Variants in ERLEC1 observed in about 807,000 individuals in gnomAD.
The protein encoded by ERLEC1 is ER lectin.
ERLEC1 carries 47 observed loss-of-function variants against 68.0 expected under a neutral mutation model. The ratio of observed to expected loss-of-function variants is 0.69; its 90% CI spans 0.55 to 0.88. The LOEUF (loss-of-function observed/expected upper bound fraction) is 0.88, where lower values mean the gene tolerates loss of function less well. Among genes scored for constraint, ERLEC1 ranks in the 40% least tolerant of loss-of-function variants. The pLI is 0.00. For missense variants in ERLEC1, 567 were observed against 583.8 expected (o/e 0.97, Z 0.30); for synonymous variants, 225 against 203.2 (o/e 1.11, Z -0.91).
chr2:53,812,908 A>G (rs1676666219), intron 10 of ERLEC1, 41 bp from the exon 11 acceptor site: 1 of 1,593,438 alleles, frequency 6.3e-7, no homozygotes, highest in Admixed American at 1.9e-5. Flanking sequence ...CTACTTGATG[A>G]TATCAAGCAC....
intron 10 of ERLEC1, among the ~76,000 whole-genome samples, chr2:53,810,827 CCTG>C (rs1485309808): frequency 2.6e-5 from 4 of 152,002 alleles, no homozygotes; most frequent in Non-Finnish European, 5.9e-5. Context: ...TCCATTTATT[CCTG>C]CTACTTTGCA....
intron 3 of ERLEC1, among the ~76,000 whole-genome samples, chr2:53,796,763 T>C (rs1245590412): frequency 2.6e-5 from 4 of 152,144 alleles, no homozygotes; most frequent in African/African-American, 9.7e-5. Flanking sequence ...TATTTCTTAA[T>C]AATATCTTAT....
At chr2:53,789,757 G>A (rs1440956208) in intron 1 of ERLEC1, among the ~76,000 whole-genome samples, 1 of 151,938 alleles carries the variant, frequency 6.6e-6, no homozygotes, top group Non-Finnish European at 1.5e-5. Context: ...AGTGGCTGAC[G>A]CCTATAATCC....
At chr2:53,801,267 T>C in intron 6 of ERLEC1, 130 bp from the exon 7 acceptor site, 1 of 611,142 alleles carries the variant, frequency 1.6e-6, no homozygotes, top group Non-Finnish European at 2.8e-6. Flanking sequence ...ACTTAAAATA[T>C]AGAAGTGTTA....
At position 53,816,405 on chromosome 2, in the gene ERLEC1, T is replaced by C. The variant is rs2104346395; in HGVS notation, c.1380+1470T>C. ...CCTCAGCCTCCCGAGTAGCTGGTAT[T>C]ACAGGCATATATGGTACCACGTCCG... On this transcript the variant is annotated intron_variant, in intron 13 of 13. Coordinates refer to ENST00000185150, the MANE Select transcript of ERLEC1 (RefSeq NM_015701.5). Among the ~76,000 whole-genome samples, 2 of 152,002 alleles carry C rather than the reference T, an allele frequency of 1.3e-5. 1 individual carries two copies. Among genetic ancestry groups the C allele is most frequent in the South Asian group, 4.2e-4 (2 of 4,802 alleles).
chr2:53,787,241 C>G lies in ERLEC1; in HGVS notation c.31C>G (p.Leu11Val), dbSNP rs758695915. The change falls in exon 1 of 14, where the codon CTG becomes GTG. Residue 11 changes from leucine (L) to valine (V), a missense_variant. Physicochemically the swap from Leu to Val is conservative, Grantham distance 32 (BLOSUM62 1). Coordinates refer to ENST00000185150, the MANE Select transcript of ERLEC1 (RefSeq NM_015701.5). MEEGGGGVRSLVPGGPVLLVL... is the reference protein window; with the variant it reads MEEGGGGVRSVVPGGPVLLVL... ...GGAAGGAGGCGGCGGCGTACGGAGT[C>G]TGGTCCCGGGCGGGCCGGTGTTACT... 42 of 1,606,252 alleles carry G rather than the reference C, an allele frequency of 2.6e-5. No individual in the cohort carries two copies. Among genetic ancestry groups the G allele is most frequent in the Non-Finnish European group, 2.5e-6 (3 of 1,179,556 alleles).
intron 1 of ERLEC1, 79 bp from the exon 2 acceptor site, chr2:53,794,266 T>C (rs1193794785): frequency 2.7e-5 from 16 of 587,678 alleles, no homozygotes; most frequent in Non-Finnish European, 4.4e-5. Flanking sequence ...AAGAATCTTT[T>C]TTCCAGCTAA....
In ERLEC1 at chr2:53,809,202, C is replaced by CTT; in HGVS notation, c.1042-4_1042-3dup. ...TTCTTAACTTGATCTAATATGTTTT[C>CTT]TTTTTTTTTAGGGTGTCGGTTGGTG... On this transcript the variant is annotated splice_polypyrimidine_tract_variant and intron_variant, in intron 9 of 13. Coordinates refer to ENST00000185150, the MANE Select transcript of ERLEC1 (RefSeq NM_015701.5). The CTT allele has an allele frequency of 2.0e-6, 3 of 1,521,480 alleles. No individual in the cohort carries two copies. Among genetic ancestry groups the CTT allele is most frequent in the Non-Finnish European group, 2.7e-6 (3 of 1,125,576 alleles). 94.2% of individuals were successfully genotyped at this position (1,521,480 alleles called of 1,614,324 possible).
chr2:53,813,148 A>T, intron 11 of ERLEC1, 75 bp downstream of exon 11: 1 of 1,536,066 alleles, frequency 6.5e-7, no homozygotes, highest in Non-Finnish European at 8.8e-7. Flanking sequence ...AAAACATAAA[A>T]ATTCAAACAT....
At chr2:53,807,844 A>AAACAACAAC (rs113620205) in intron 8 of ERLEC1, among the ~76,000 whole-genome samples, 91 of 150,624 alleles carry the variant, frequency 6.0e-4, no homozygotes, top group African/African-American at 2.1e-3. Context: ...TCTGTACTGA[A>AAACAACAAC]AACAACAACA....
chr2:53,793,918 A>C (rs1573067511), intron 1 of ERLEC1, among the ~76,000 whole-genome samples: 1 of 152,172 alleles, frequency 6.6e-6, no homozygotes. Flanking sequence ...CATTATCTTA[A>C]GTGAATTAAG....
chr2:53,801,760 G>T lies in ERLEC1; in HGVS notation c.797G>T (p.Gly266Val). 6.2e-7 allele frequency: 1 copy of T among 1,614,056 alleles called. No individual in the cohort carries two copies. Residue 266 changes from glycine (G) to valine (V), a missense_variant, in exon 8 of 14, where the codon GGA becomes GTA. Coordinates refer to ENST00000185150, the MANE Select transcript of ERLEC1 (RefSeq NM_015701.5). Reference protein sequence around the residue: ...VNDIFCQSLPGSPFKPLTLRQ... With the variant: ...VNDIFCQSLPVSPFKPLTLRQ... ...GACATATTTTGTCAATCACTGCCAG[G>T]ATCTCCATTTAAGCCCCTCACCCTG...
chr2:53,802,011 G>A (rs868719401), intron 8 of ERLEC1, among the ~76,000 whole-genome samples, 169 bp downstream of exon 8: 10 of 151,722 alleles, frequency 6.6e-5, no homozygotes, highest in African/African-American at 2.2e-4. Context: ...CCTTATTCTA[G>A]TACTACTCAA....
Position 53,787,335 on chromosome 2 carries a change from C to G in ERLEC1, c.125C>G (p.Pro42Arg). The change falls in exon 1 of 14, where the codon CCT (proline) becomes CGT (arginine). Residue 42 changes from proline to arginine, a missense_variant. Physicochemically the swap from Pro to Arg is moderately radical, Grantham distance 103. Coordinates refer to ENST00000185150, the MANE Select transcript of ERLEC1 (RefSeq NM_015701.5). The stretch of plus-strand genomic sequence containing the variant: ...CTTCCTCAACTCAGCGATGACATCC[C>G]TTTCCGAGTCAACTGGCCCGGCACC... ...RALPQLSDDIPFRVNWPGTEF... is the reference protein window; with the variant it reads ...RALPQLSDDIRFRVNWPGTEF... The G allele has an allele frequency of 6.2e-7, 1 of 1,612,026 alleles. No homozygotes were observed. Among genetic ancestry groups the G allele is most frequent in the Non-Finnish European group, 8.5e-7 (1 of 1,179,900 alleles).
chr2:53,813,926 C>T (rs1384905478), intron 11 of ERLEC1, among the ~76,000 whole-genome samples: 1 of 152,138 alleles, frequency 6.6e-6, no homozygotes, highest in East Asian at 1.9e-4. Flanking sequence ...TCTCCTAAAG[C>T]TATCTTCCCC....
At chr2:53,813,131 A>AG in intron 11 of ERLEC1, 58 bp downstream of exon 11, 1 of 1,565,436 alleles carries the variant, frequency 6.4e-7, no homozygotes, top group South Asian at 1.2e-5. Flanking sequence ...AAAACTCAAA[A>AG]TATTGAAAAA....
chr2:53,788,779 T>C (rs970118454), intron 1 of ERLEC1: 2 of 152,200 alleles, frequency 1.3e-5, no homozygotes, highest in Non-Finnish European at 2.9e-5. Context: ...GAAATACCTA[T>C]GTAAAATTTT....
rs1573083586 is a variant in ERLEC1 at position 53,802,120 on chromosome 2, C to T, written c.879+278C>T. Among the ~76,000 whole-genome samples, 5 of 152,186 alleles carry T rather than the reference C, an allele frequency of 3.3e-5. 2 individuals carry two copies. The highest frequency in any genetic ancestry group is 3.3e-4 in the Admixed American group (5 of 15,294). The stretch of plus-strand genomic sequence containing the variant: ...ATTTTTAGGTATTTGTCCCAGCTAA[C>T]CCTCTTGAAAAATAGACTAAAACCC... On this transcript the variant is annotated intron_variant, in intron 8 of 13. Transcript: ENST00000185150.
chr2:53,815,013 TTTTG>T, intron 13 of ERLEC1, 78 bp downstream of exon 13: 2 of 982,896 alleles, frequency 2.0e-6, no homozygotes, highest in Non-Finnish European at 3.0e-6. Flanking sequence ...TTTTTTTTTT[TTTTG>T]TTTTTTTGAG....
Sources: gnomAD v4.1 joint callset for allele counts (sites outside exome capture counted in the v4.1 genomes callset) on GRCh38, gnomAD v4.1.1 for gene constraint, MANE v1.5 for transcripts, NCBI Gene and HGNC (gene_info 2026-07-23, HGNC 2026-07-21) for gene names.